ASIC2: variants seen among roughly 807,000 people sequenced by gnomAD.
ASIC2 encodes the protein acid-sensing ion channel 2.
ASIC2 carries 25 observed loss-of-function variants against 57.3 expected under a neutral mutation model. That is an observed-to-expected ratio of 0.44 (90% CI 0.32 to 0.61). The LOEUF (loss-of-function observed/expected upper bound fraction) is 0.61. Ranked by LOEUF, ASIC2 falls within the 20% of genes least tolerant of loss-of-function variation. The pLI, the probability that ASIC2 is intolerant of heterozygous loss-of-function variation, is 0.06. For missense variants in ASIC2, 641 were observed against 738.1 expected (o/e 0.87, Z 1.52); for synonymous variants, 319 against 307.5 (o/e 1.04, Z -0.39).
intron 1 of ASIC2, among the ~76,000 whole-genome samples, chr17:33,222,425 G>A (rs183843180): frequency 2.0e-4 from 31 of 152,318 alleles, no homozygotes; most frequent in Middle Eastern, 3.4e-3. Flanking sequence ...TGTGGAGAAT[G>A]GGCAGTGACA....
intron 3 of ASIC2, among the ~76,000 whole-genome samples, chr17:33,046,316 G>A (rs1038776093): frequency 6.6e-6 from 1 of 152,146 alleles, no homozygotes; most frequent in African/African-American, 2.4e-5. Flanking sequence ...TTCAATGGGT[G>A]TATTTGAAAT....
At chr17:34,101,120 C>T (rs558847966) in intron 1 of ASIC2, among the ~76,000 whole-genome samples, 1 of 152,276 alleles carries the variant, frequency 6.6e-6, no homozygotes, top group African/African-American at 2.4e-5. Flanking sequence ...TAAAACCATC[C>T]TAGCATTTCC....
At chr17:33,485,316 C>T (rs903938888) in intron 1 of ASIC2, among the ~76,000 whole-genome samples, 1 of 152,170 alleles carries the variant, frequency 6.6e-6, no homozygotes, top group African/African-American at 2.4e-5. Context: ...GAATGGCTGC[C>T]CAGGGTCAAG....
At chr17:33,144,241 C>T (rs1904454303) in intron 1 of ASIC2, among the ~76,000 whole-genome samples, 2 of 151,978 alleles carry the variant, frequency 1.3e-5, no homozygotes, top group Admixed American at 6.5e-5. Flanking sequence ...ATGGAATGTA[C>T]AGTAATATCA....
intron 1 of ASIC2, among the ~76,000 whole-genome samples, chr17:34,036,172 C>T (rs1237457237): frequency 2.0e-5 from 3 of 151,998 alleles, no homozygotes; most frequent in East Asian, 3.9e-4. Context: ...AACATACACA[C>T]CATGGAATAC....
rs201934419 is a variant in ASIC2 at position 33,894,350 on chromosome 17, CGT to C, written c.555+261626_555+261627del. On this transcript the variant is annotated intron_variant, in intron 1 of 9. Coordinates refer to the ASIC2 transcript ENST00000359872. ...CTCTGCGTGCGTGCGTGCGTGCGTG[CGT>C]GTGTGTGTGTGTGTGTGTGTGTGTG... Among the ~76,000 whole-genome samples, 550 of 138,586 alleles carry C rather than the reference CGT, an allele frequency of 4.0e-3. 1 individual carries two copies. Among genetic ancestry groups the C allele is most frequent in the Admixed American group, 7.9e-3 (110 of 13,940 alleles). The allele number at this position is 138,586 out of a possible 152,430, so 90.9% of individuals were successfully genotyped here. A position where few individuals can be genotyped will look rare whatever the true frequency, so the allele number is the denominator to read the frequency against.
chr17:33,403,875 A>T (rs1440914435), intron 1 of ASIC2, among the ~76,000 whole-genome samples: 1 of 152,204 alleles, frequency 6.6e-6, no homozygotes, highest in Non-Finnish European at 1.5e-5. Context: ...CCCACAGTGA[A>T]TTGCAGCTGG....
intron 1 of ASIC2, among the ~76,000 whole-genome samples, chr17:33,866,263 G>A (rs1347730774): frequency 6.6e-6 from 1 of 152,008 alleles, no homozygotes; most frequent in African/African-American, 2.4e-5. Context: ...GAGTGAAATT[G>A]CCACTTTTCT....
At chr17:33,941,148 G>A (rs550176395) in intron 1 of ASIC2, among the ~76,000 whole-genome samples, 6 of 152,282 alleles carry the variant, frequency 3.9e-5, no homozygotes, top group African/African-American at 1.4e-4. Flanking sequence ...GCCTAGGTGA[G>A]CTCAACTGTG....
intron 1 of ASIC2, among the ~76,000 whole-genome samples, chr17:33,424,035 G>T (rs1911132331): frequency 1.3e-5 from 2 of 152,278 alleles, no homozygotes; most frequent in Non-Finnish European, 2.9e-5. Context: ...TGCTGGTTCT[G>T]CCACTCCCCT....
chr17:33,799,144 T>A (rs187450760), intron 1 of ASIC2, among the ~76,000 whole-genome samples: 14 of 152,330 alleles, frequency 9.2e-5, no homozygotes, highest in Non-Finnish European at 1.3e-4. Flanking sequence ...AGTGGACTTG[T>A]TACCTTTACG....
intron 2 of ASIC2, among the ~76,000 whole-genome samples, chr17:33,092,927 T>G (rs2092163348): frequency 2.0e-5 from 3 of 152,220 alleles, no homozygotes; most frequent in African/African-American, 7.2e-5. Context: ...TTATGTCTGC[T>G]GTTCCCTGCT....
At chr17:33,489,385 A>T (rs1913678888) in intron 1 of ASIC2, among the ~76,000 whole-genome samples, 1 of 152,214 alleles carries the variant, frequency 6.6e-6, no homozygotes, top group Non-Finnish European at 1.5e-5. Flanking sequence ...GATGCCGAGG[A>T]GCTGACAGTC....
intron 1 of ASIC2, among the ~76,000 whole-genome samples, chr17:33,478,110 C>T (rs1193137081): frequency 6.6e-6 from 1 of 152,158 alleles, no homozygotes; most frequent in Non-Finnish European, 1.5e-5. Flanking sequence ...TAGGTGAGGG[C>T]TCAGAGTCAG....
At chr17:33,752,723 G>A (rs1209499150) in intron 1 of ASIC2, among the ~76,000 whole-genome samples, 2 of 152,136 alleles carry the variant, frequency 1.3e-5, no homozygotes, top group Non-Finnish European at 2.9e-5. Flanking sequence ...TGTCATTAAG[G>A]AACTGCAACT....
chr17:33,781,942 G>A (rs139657660), intron 1 of ASIC2, among the ~76,000 whole-genome samples: 12 of 152,234 alleles, frequency 7.9e-5, no homozygotes, highest in African/African-American at 1.2e-4. Flanking sequence ...TCAAGCCACC[G>A]GTGGCTCTCT....
chr17:33,917,800 A>G (rs1436337105), intron 1 of ASIC2, among the ~76,000 whole-genome samples: 2 of 152,092 alleles, frequency 1.3e-5, no homozygotes, highest in Non-Finnish European at 2.9e-5. Context: ...AATGAATATT[A>G]TATTTCTAGG....
chr17:33,168,121 T>C (rs1244354597), intron 1 of ASIC2, among the ~76,000 whole-genome samples: 1 of 152,262 alleles, frequency 6.6e-6, no homozygotes, highest in African/African-American at 2.4e-5. Context: ...TTCCACCTTC[T>C]GCCCTTCACC....
intron 1 of ASIC2, among the ~76,000 whole-genome samples, chr17:33,185,941 A>G (rs937254767): frequency 6.6e-6 from 1 of 152,204 alleles, no homozygotes; most frequent in African/African-American, 2.4e-5. Context: ...CCCATCTAAT[A>G]AAGCATAAAA....
Sources: allele counts gnomAD v4.1 joint callset (sites outside exome capture counted in the v4.1 genomes callset), GRCh38; gene constraint gnomAD v4.1.1; transcripts MANE v1.5; gene names NCBI Gene and HGNC (gene_info 2026-07-23, HGNC 2026-07-21).